Variants in KMT2C observed in about 807,000 individuals in gnomAD.
KMT2C encodes histone-lysine N-methyltransferase 2C.
A neutral mutation model predicts 507.9 loss-of-function variants in KMT2C; 88 were observed. That is an observed-to-expected ratio of 0.17 (90% confidence interval 0.15 to 0.21). The LOEUF is 0.21. KMT2C is among the 10% of genes least tolerant of loss of function. The probability of loss-of-function intolerance (pLI) is 1.00; values close to 1 mark genes in which losing one functional copy is unlikely to be tolerated. For synonymous variants in KMT2C, 2,049 were observed against 2,080.8 expected (o/e 0.98, Z 0.42); for missense variants, 4,954 against 5,957.8 (o/e 0.83, Z 5.55).
At chr7:152,361,612 AT>A (rs2097198551) in intron 1 of KMT2C, among the ~76,000 whole-genome samples, 1 of 152,208 alleles carries the variant, frequency 6.6e-6, no homozygotes, top group South Asian at 2.1e-4. Flanking sequence ...GATAGAAAAC[AT>A]TAAAATAAAG....
chr7:152,365,517 C>T (rs960647185), intron 1 of KMT2C, among the ~76,000 whole-genome samples: 1 of 152,118 alleles, frequency 6.6e-6, no homozygotes, highest in Non-Finnish European at 1.5e-5. Context: ...AACAAACAAA[C>T]AAACAAACAA....
intron 8 of KMT2C, among the ~76,000 whole-genome samples, chr7:152,263,834 G>C (rs2095819448): frequency 6.6e-6 from 1 of 152,110 alleles, no homozygotes; most frequent in African/African-American, 2.4e-5. Context: ...CTTTATCTCT[G>C]TTGAGATTTT....
chr7:152,204,417 A>G (rs1046929074), intron 25 of KMT2C, among the ~76,000 whole-genome samples: 2 of 152,164 alleles, frequency 1.3e-5, no homozygotes, highest in Non-Finnish European at 2.9e-5. Flanking sequence ...CAACAAAGTG[A>G]GACCCTGTCT....
intron 2 of KMT2C, among the ~76,000 whole-genome samples, chr7:152,339,929 G>A (rs2096975050): frequency 6.6e-6 from 1 of 151,950 alleles, no homozygotes; most frequent in African/African-American, 2.4e-5. Flanking sequence ...AGTAAACACT[G>A]ACATTCATTA....
chr7:152,279,941 G>T (rs1424694766), intron 6 of KMT2C, among the ~76,000 whole-genome samples: 2 of 152,298 alleles, frequency 1.3e-5, no homozygotes, highest in Non-Finnish European at 2.9e-5. Context: ...TACAGAGGCT[G>T]TAAATATGAT....
chr7:152,312,036 A>G (rs1288496979), intron 4 of KMT2C, 90 bp from the exon 5 acceptor site: 3 of 987,192 alleles, frequency 3.0e-6, no homozygotes, highest in African/African-American at 3.2e-5. Flanking sequence ...CTGCCAAATC[A>G]ATTTTAATTT....
At position 152,177,443 on chromosome 7, in the gene KMT2C, T is replaced by C. The variant is rs1370716873; in HGVS notation, c.8010A>G (p.Thr2670=). ...APLSTSVPSE[T]TSDNLQITTQ... ...TGGTTATCTGTAAATTATCAGACGT[T>C]GTTTCAGACGGTACAGATGTTGACA... The change falls in exon 38 of 59, where the codon ACA becomes ACG. Residue 2670 remains threonine (T), a synonymous_variant. Transcript: ENST00000262189. The C allele has an allele frequency of 6.2e-7, 1 of 1,614,170 alleles. No individual in the cohort carries two copies. Among genetic ancestry groups the C allele is most frequent in the Non-Finnish European group, 8.5e-7 (1 of 1,179,992 alleles).
intron 1 of KMT2C, among the ~76,000 whole-genome samples, chr7:152,409,129 C>T (rs896091886): frequency 7.2e-5 from 11 of 151,824 alleles, no homozygotes; most frequent in Admixed American, 5.9e-4. Flanking sequence ...CTCAGCCTCC[C>T]GATTAGCTGG....
chr7:152,431,492 G>A (rs1310266008), intron 1 of KMT2C, among the ~76,000 whole-genome samples: 1 of 151,732 alleles, frequency 6.6e-6, no homozygotes, highest in African/African-American at 2.4e-5. Context: ...AGCTACTCCA[G>A]CTACTTGGGA....
chr7:152,217,440 T>G (rs189023431), intron 23 of KMT2C, among the ~76,000 whole-genome samples: 3 of 152,212 alleles, frequency 2.0e-5, no homozygotes, highest in Admixed American at 2.0e-4. Flanking sequence ...AACATGCACT[T>G]ATTTTATCCC....
At position 152,162,436 on chromosome 7, in the gene KMT2C, T is replaced by G. The variant is rs775834896; in HGVS notation, c.11141A>C (p.Lys3714Thr). ...VDKLSMETPA[K>T]TEEIKLEKAE... is the part of the protein sequence containing the mutation. ...CTTTTCCAGTTTTATCTCTTCTGTT[T>G]TGGCAGGGGTTTCCATGGAGAGCTT... is the stretch of plus-strand genomic sequence containing the variant. Residue 3714 changes from lysine (K) to threonine (T), a missense_variant, in exon 43 of 59, where the codon AAA (lysine) becomes ACA (threonine). This residue lies in a region of KMT2C where 801 missense variants were observed against 751.2 expected (regional missense o/e 1.07). Coordinates refer to ENST00000262189, the MANE Select transcript of KMT2C (RefSeq NM_170606.3). The G allele has an allele frequency of 6.2e-7, 1 of 1,614,258 alleles. No homozygotes were observed. The highest frequency in any genetic ancestry group is 1.1e-5 in the South Asian group (1 of 91,086).
At chr7:152,361,570 A>G (rs897219054) in intron 1 of KMT2C, among the ~76,000 whole-genome samples, 1 of 152,194 alleles carries the variant, frequency 6.6e-6, no homozygotes, top group Admixed American at 6.5e-5. Flanking sequence ...TCTCAAAAAA[A>G]AAGAATTTAT....
intron 58 of KMT2C, chr7:152,137,587 CCTT>C (rs1056397441): frequency 1.3e-5 from 2 of 152,188 alleles, no homozygotes; most frequent in African/African-American, 4.8e-5. Context: ...GCTGGAAAGA[CCTT>C]CTACACAGAA....
At chr7:152,411,560 C>CGAGTAGA (rs2097684216) in intron 1 of KMT2C, among the ~76,000 whole-genome samples, 1 of 152,138 alleles carries the variant, frequency 6.6e-6, no homozygotes, top group African/African-American at 2.4e-5. Flanking sequence ...AGAAAAGGCA[C>CGAGTAGA]GAGTAGAGAA....
In KMT2C at chr7:152,154,031, A is replaced by C; in HGVS notation, c.12255T>G (p.Thr4085=). The stretch of plus-strand genomic sequence containing the variant: ...TTACCTCAGCAGCTGTAGGATGCAG[A>C]GTAATTGCTACAGATATAAGACCTG... ...PRSGLISVAI[T]LHPTAAENIS... is the part of the protein sequence containing the mutation. The change falls in exon 48 of 59, where the codon ACT becomes ACG. Residue 4085 remains threonine, a synonymous_variant. Coordinates refer to ENST00000262189, the MANE Select transcript of KMT2C (RefSeq NM_170606.3). 6.2e-7 allele frequency: 1 copy of C among 1,614,118 alleles called. No individual in the cohort carries two copies. The highest frequency in any genetic ancestry group is 8.5e-7 in the Non-Finnish European group (1 of 1,179,980).
intron 1 of KMT2C, among the ~76,000 whole-genome samples, chr7:152,390,914 A>T (rs753475936): frequency 2.6e-5 from 4 of 152,070 alleles, no homozygotes; most frequent in Admixed American, 6.5e-5. Flanking sequence ...TGGGAGGCCG[A>T]GGCAGATGGA....
At chr7:152,218,604 TA>T (rs1212694001) in intron 23 of KMT2C, among the ~76,000 whole-genome samples, 1 of 152,194 alleles carries the variant, frequency 6.6e-6, no homozygotes, top group Non-Finnish European at 1.5e-5. Context: ...AAAATATAAA[TA>T]AGATCATGGT....
chr7:152,178,019 A>T lies in KMT2C; in HGVS notation c.7443-9T>A, dbSNP rs768567502. 3.0e-4 allele frequency: 368 copies of T among 1,228,774 alleles called. 5 individuals carry two copies. In the African/African-American group the frequency reaches 6.0e-3, roughly 20 times the overall value. The allele number at this position is 1,228,774 out of a possible 1,614,324, so 76.1% of individuals were successfully genotyped here. ...CTCCTGGAAATCCAAATCTTTTAAA[A>T]AAAAAAAAAAAAAAAAAAAAAAAGC... On this transcript the variant is annotated splice_polypyrimidine_tract_variant and intron_variant, in intron 37 of 58. Transcript: ENST00000262189.
intron 16 of KMT2C, among the ~76,000 whole-genome samples, chr7:152,232,346 A>C (rs1485566996): frequency 1.3e-5 from 2 of 152,250 alleles, no homozygotes; most frequent in Non-Finnish European, 2.9e-5. Context: ...AAAAGTAGGG[A>C]GGTAGAAACT....
Sources: allele counts gnomAD v4.1 joint callset (sites outside exome capture counted in the v4.1 genomes callset), GRCh38; gene constraint gnomAD v4.1.1; regional missense constraint gnomAD v4.1.1; transcripts MANE v1.5; gene names NCBI Gene and HGNC (gene_info 2026-07-23, HGNC 2026-07-21).